The following PGCKA1 variants were observed in gnomAD, a reference collection of about 807,000 sequenced individuals.
The protein encoded by PGCKA1 is PDCD10 and GCKIII kinases associated 1.
At chr4:37,486,241 G>A in the PGCKA1 span, among the ~76,000 whole-genome samples, 5 of 152,098 alleles carry the variant, frequency 3.3e-5, no homozygotes, top group African/African-American at 1.2e-4. Flanking sequence ...CTTAGGTGAA[G>A]ATTTTTTTTT....
At chr4:37,564,519 T>TTA in the PGCKA1 span, among the ~76,000 whole-genome samples, 1 of 150,966 alleles carries the variant, frequency 6.6e-6, no homozygotes, top group Non-Finnish European at 1.5e-5. Flanking sequence ...TTATTTATTT[T>TTA]TTTTGAGATG....
chr4:37,576,361 C>T, the PGCKA1 span, among the ~76,000 whole-genome samples: 3 of 151,536 alleles, frequency 2.0e-5, no homozygotes, highest in East Asian at 5.8e-4. Flanking sequence ...TGATTTTTTT[C>T]TTGATTTCTT....
the PGCKA1 span, among the ~76,000 whole-genome samples, chr4:37,585,060 G>T: frequency 7.2e-6 from 1 of 139,230 alleles, no homozygotes; most frequent in African/African-American, 2.8e-5. Flanking sequence ...GTTGTTTGTT[G>T]GTTGGTTTGC....
chr4:37,523,639 G>A, the PGCKA1 span, among the ~76,000 whole-genome samples: 3 of 152,128 alleles, frequency 2.0e-5, no homozygotes, highest in African/African-American at 7.2e-5. Flanking sequence ...TCCTCTGTAA[G>A]TAATCAGAAA....
the PGCKA1 span, among the ~76,000 whole-genome samples, chr4:37,505,192 G>A: frequency 7.8e-3 from 1,192 of 152,156 alleles, 23 homozygotes; most frequent in East Asian, 0.075. Flanking sequence ...TCTGTCCTTC[G>A]TTCTGTTGAT....
the PGCKA1 span, among the ~76,000 whole-genome samples, chr4:37,537,555 T>C: frequency 1.1e-4 from 16 of 151,938 alleles, no homozygotes; most frequent in African/African-American, 3.9e-4. Flanking sequence ...GAGGCTGAGG[T>C]TTAAAGATAC....
the PGCKA1 span, among the ~76,000 whole-genome samples, chr4:37,508,683 C>CTTTTTTTTTTTTTTTTTTTTTTTTT: frequency 4.6e-3 from 388 of 84,540 alleles, 42 homozygotes; most frequent in East Asian, 5.5e-3. Context: ...TTTGCTGAAT[C>CTTTTTTTTTTTTTTTTTTTTTTTTT]TTTTTTTTAG....
the PGCKA1 span, among the ~76,000 whole-genome samples, chr4:37,571,283 T>C: frequency 1.3e-4 from 19 of 151,894 alleles, no homozygotes; most frequent in Admixed American, 1.1e-3. Flanking sequence ...GGATGATGTG[T>C]AGGTTGGTAG....
chr4:37,533,894 G>A, the PGCKA1 span, among the ~76,000 whole-genome samples: 1 of 152,176 alleles, frequency 6.6e-6, no homozygotes, highest in African/African-American at 2.4e-5. Flanking sequence ...GTGATTATCA[G>A]GCAGAATTTT....
the PGCKA1 span, among the ~76,000 whole-genome samples, chr4:37,539,017 A>G: frequency 6.6e-6 from 1 of 152,202 alleles, no homozygotes; most frequent in African/African-American, 2.4e-5. Context: ...GCATACCCTA[A>G]GAATGACCCC....
the PGCKA1 span, among the ~76,000 whole-genome samples, chr4:37,474,438 C>T: frequency 1.1e-4 from 16 of 152,146 alleles, no homozygotes; most frequent in Admixed American, 7.2e-4. Flanking sequence ...CACTTGTCAA[C>T]GTTGCCTCTC....
At chr4:37,509,289 G>A in the PGCKA1 span, among the ~76,000 whole-genome samples, 2 of 132,212 alleles carry the variant, frequency 1.5e-5, no homozygotes, top group East Asian at 2.2e-4. Context: ...CAGACAGGGC[G>A]GCTGCTGGGC....
the PGCKA1 span, among the ~76,000 whole-genome samples, chr4:37,532,040 C>T: frequency 2.9e-4 from 44 of 152,102 alleles, no homozygotes; most frequent in African/African-American, 8.0e-4. Context: ...TGCTACCATA[C>T]ATCCTTTCCA....
At chr4:37,469,005 A>G in the PGCKA1 span, among the ~76,000 whole-genome samples, 1 of 152,166 alleles carries the variant, frequency 6.6e-6, no homozygotes, top group African/African-American at 2.4e-5. Flanking sequence ...CCTCTTATAC[A>G]ATGTTGGTGC....
the PGCKA1 span, among the ~76,000 whole-genome samples, chr4:37,470,818 C>T: frequency 2.0e-5 from 3 of 152,018 alleles, no homozygotes; most frequent in South Asian, 2.1e-4. Context: ...TTTTGCTTAC[C>T]TAAGAAGTTT....
At chr4:37,486,598 C>T in the PGCKA1 span, among the ~76,000 whole-genome samples, 1 of 152,062 alleles carries the variant, frequency 6.6e-6, no homozygotes, top group African/African-American at 2.4e-5. Flanking sequence ...CAACCCTTTG[C>T]CAAGTGATAG....
the PGCKA1 span, among the ~76,000 whole-genome samples, chr4:37,507,558 A>G: frequency 1.3e-5 from 2 of 152,128 alleles, no homozygotes; most frequent in South Asian, 4.1e-4. Context: ...AAGTAACCCT[A>G]ACTCTATATT....
the PGCKA1 span, among the ~76,000 whole-genome samples, chr4:37,547,522 C>T: frequency 0.025 from 3,817 of 152,112 alleles, 150 homozygotes; most frequent in African/African-American, 0.085. Flanking sequence ...TACATGACAC[C>T]AGAAAAACTT....
chr4:37,478,840 T>C, the PGCKA1 span, among the ~76,000 whole-genome samples: 1 of 152,210 alleles, frequency 6.6e-6, no homozygotes, highest in African/African-American at 2.4e-5. Flanking sequence ...TGGGAAGGTG[T>C]CTTCTTTTCT....
Sources: gnomAD v4.1 joint callset for allele counts (sites outside exome capture counted in the v4.1 genomes callset) on GRCh38, gnomAD v4.1.1 for gene constraint, MANE v1.5 for transcripts, NCBI Gene and HGNC (gene_info 2026-07-23, HGNC 2026-07-21) for gene names.